Variants in EPHA6 observed in about 807,000 individuals in gnomAD.
EPHA6 encodes ephrin type-A receptor 6.
In EPHA6, 50 loss-of-function variants were observed where a neutral mutation model predicts 112.0. That is an observed-to-expected ratio of 0.45 (90% confidence interval 0.36 to 0.56). The LOEUF is 0.56. Among genes scored for constraint, EPHA6 ranks in the 20% least tolerant of loss-of-function variants. The probability of loss-of-function intolerance (pLI) is 0.00; values close to 1 mark genes in which losing one functional copy is unlikely to be tolerated. For synonymous variants in EPHA6, 529 were observed against 490.7 expected (o/e 1.08, Z -1.03); for missense variants, 1,280 against 1,417.4 (o/e 0.90, Z 1.56).
At position 97,167,772 on chromosome 3, in the gene EPHA6, A is replaced by G. The variant is rs937241164; in HGVS notation, c.1115-58492A>G. Among the ~76,000 whole-genome samples the G allele has an allele frequency of 3.9e-5, 6 of 152,056 alleles. 1 individual carries two copies. The highest frequency in any genetic ancestry group is 7.4e-5 in the Non-Finnish European group (5 of 67,996). On this transcript the variant is annotated intron_variant, in intron 3 of 17. Transcript: ENST00000389672. Reference sequence around the variant, plus strand: ...TTTTTATATAGCGTATTTAAAATAAACAGTATTCTTTAGTATTAATTATAA... The same window carrying G: ...TTTTTATATAGCGTATTTAAAATAAGCAGTATTCTTTAGTATTAATTATAA...
At chr3:97,482,528 T>A (rs2091582025) in intron 9 of EPHA6, among the ~76,000 whole-genome samples, 1 of 152,190 alleles carries the variant, frequency 6.6e-6, no homozygotes, top group African/African-American at 2.4e-5. Flanking sequence ...GGTGCTAATT[T>A]GAGAAATATT....
chr3:97,345,566 C>T (rs1024141939), intron 5 of EPHA6, among the ~76,000 whole-genome samples: 2 of 152,052 alleles, frequency 1.3e-5, no homozygotes, highest in African/African-American at 4.8e-5. Flanking sequence ...GTGTATTGGT[C>T]AACTATACTA....
intron 5 of EPHA6, among the ~76,000 whole-genome samples, chr3:97,348,207 T>A (rs1454727048): frequency 6.6e-6 from 1 of 152,118 alleles, no homozygotes; most frequent in African/African-American, 2.4e-5. Flanking sequence ...GTTTCTAAAA[T>A]TCTACCTTTA....
chr3:97,645,543 A>T (rs2094052624), intron 14 of EPHA6, among the ~76,000 whole-genome samples: 1 of 146,896 alleles, frequency 6.8e-6, no homozygotes, highest in Non-Finnish European at 1.5e-5. Flanking sequence ...GAGGGATAGC[A>T]TTGGGAGATA....
intron 13 of EPHA6, among the ~76,000 whole-genome samples, chr3:97,629,542 AT>A (rs1460075955): frequency 6.6e-6 from 1 of 151,914 alleles, no homozygotes; most frequent in Non-Finnish European, 1.5e-5. Context: ...ATAATTTATA[AT>A]TCTCATTAAT....
intron 10 of EPHA6, among the ~76,000 whole-genome samples, chr3:97,498,131 C>T (rs931679251): frequency 1.2e-4 from 18 of 152,162 alleles, no homozygotes; most frequent in South Asian, 8.3e-4. Context: ...TCTTGTTTGA[C>T]GAAAATCACT....
At chr3:97,354,598 T>C (rs2083973676) in intron 5 of EPHA6, among the ~76,000 whole-genome samples, 1 of 152,002 alleles carries the variant, frequency 6.6e-6, no homozygotes, top group South Asian at 2.1e-4. Flanking sequence ...GAAGCACACC[T>C]ACAGGATCTA....
At chr3:96,821,446 CT>C (rs1273025116) in intron 1 of EPHA6, among the ~76,000 whole-genome samples, 1 of 151,718 alleles carries the variant, frequency 6.6e-6, no homozygotes, top group Non-Finnish European at 1.5e-5. Flanking sequence ...AACTATATAA[CT>C]TCTTATGGGC....
At chr3:97,357,519 T>C (rs1466247698) in intron 5 of EPHA6, among the ~76,000 whole-genome samples, 1 of 152,150 alleles carries the variant, frequency 6.6e-6, no homozygotes. Flanking sequence ...GTATAGTTGG[T>C]CATATGTTTT....
At chr3:97,177,424 T>C (rs760350356) in intron 3 of EPHA6, among the ~76,000 whole-genome samples, 1 of 152,008 alleles carries the variant, frequency 6.6e-6, no homozygotes, top group African/African-American at 2.4e-5. Context: ...GTCTGATGTT[T>C]CCTTGTTGAT....
At chr3:97,432,407 C>A (rs1326885636) in intron 6 of EPHA6, among the ~76,000 whole-genome samples, 1 of 152,126 alleles carries the variant, frequency 6.6e-6, no homozygotes, top group Non-Finnish European at 1.5e-5. Context: ...ACTTCACATG[C>A]ATTAACATTC....
intron 11 of EPHA6, among the ~76,000 whole-genome samples, chr3:97,539,662 G>A (rs1217122391): frequency 1.3e-5 from 2 of 152,084 alleles, no homozygotes; most frequent in Non-Finnish European, 2.9e-5. Flanking sequence ...AATCTGCAAG[G>A]AGCTAGAAGA....
chr3:97,206,012 G>T (rs779755746), intron 3 of EPHA6, among the ~76,000 whole-genome samples: 2 of 152,020 alleles, frequency 1.3e-5, no homozygotes, highest in Non-Finnish European at 2.9e-5. Flanking sequence ...TGCATTAAAA[G>T]ATGCATACAT....
At chr3:96,922,034 T>G (rs1559833264) in intron 2 of EPHA6, among the ~76,000 whole-genome samples, 1 of 149,856 alleles carries the variant, frequency 6.7e-6, no homozygotes. Context: ...CCTTAATGTC[T>G]AGAGAGAGAG....
intron 3 of EPHA6, among the ~76,000 whole-genome samples, chr3:96,993,366 GC>G (rs1413337556): frequency 6.6e-6 from 1 of 150,668 alleles, no homozygotes; most frequent in African/African-American, 2.4e-5. Context: ...GCGCGATCTT[GC>G]CGCACTGCAA....
intron 3 of EPHA6, among the ~76,000 whole-genome samples, chr3:97,085,272 A>G (rs559007964): frequency 2.2e-4 from 34 of 152,150 alleles, no homozygotes; most frequent in African/African-American, 3.1e-4. Flanking sequence ...CATGAACTCA[A>G]TGTTAGGAAA....
chr3:97,259,153 G>T (rs891444891), intron 5 of EPHA6, among the ~76,000 whole-genome samples: 1 of 151,626 alleles, frequency 6.6e-6, no homozygotes, highest in African/African-American at 2.4e-5. Flanking sequence ...TGACTCAGAA[G>T]AAAATAAAAT....
At position 97,629,070 on chromosome 3, in the gene EPHA6, A is replaced by AC. The variant is rs1392206245; in HGVS notation, c.2575-8802dup. On this transcript the variant is annotated intron_variant, in intron 13 of 17. Coordinates refer to ENST00000389672, the MANE Select transcript of EPHA6 (RefSeq NM_001080448.3). The stretch of plus-strand genomic sequence containing the variant: ...CTCAGCCTCTTGAATAGCTGGGACC[A>AC]CAGGCATACACCACCGCGCTAGCTA... Among the ~76,000 whole-genome samples, 382 of 151,882 alleles carry AC rather than the reference A, an allele frequency of 2.5e-3. 3 individuals carry two copies. The highest frequency in any genetic ancestry group is 9.0e-3 in the African/African-American group (374 of 41,438).
At chr3:97,681,904 C>A (rs2107683701) in intron 14 of EPHA6, among the ~76,000 whole-genome samples, 1 of 152,096 alleles carries the variant, frequency 6.6e-6, no homozygotes, top group Non-Finnish European at 1.5e-5. Context: ...TCTGTATAAT[C>A]TGAATCTGTT....
Sources: allele counts gnomAD v4.1 joint callset (sites outside exome capture counted in the v4.1 genomes callset), GRCh38; gene constraint gnomAD v4.1.1; transcripts MANE v1.5; gene names NCBI Gene and HGNC (gene_info 2026-07-23, HGNC 2026-07-21).